The following DAPL1 variants were observed in gnomAD, a reference collection of about 807,000 sequenced individuals.
DAPL1 encodes the protein death associated protein like 1.
In DAPL1, 17 loss-of-function variants were observed where a neutral mutation model predicts 12.9. That is an observed-to-expected ratio of 1.32 (90% CI 0.90 to 1.98). DAPL1 has a LOEUF of 1.98. Among genes scored for constraint, DAPL1 ranks in the 30% most tolerant of loss-of-function variants. DAPL1 has a pLI of 0.00. For synonymous variants in DAPL1, 51 were observed against 42.0 expected (o/e 1.21, Z -0.82); for missense variants, 157 against 125.7 (o/e 1.25, Z -1.19).
chr2:158,812,057 G>A (rs1296240245), intron 3 of DAPL1, among the ~76,000 whole-genome samples: 2 of 152,144 alleles, frequency 1.3e-5, no homozygotes, highest in Non-Finnish European at 2.9e-5. Flanking sequence ...TCCTACATCA[G>A]GATGCCCCTG....
chr2:158,795,627 C>T (rs2059130534), intron 1 of DAPL1, among the ~76,000 whole-genome samples, 197 bp downstream of exon 1: 3 of 152,142 alleles, frequency 2.0e-5, no homozygotes, highest in Non-Finnish European at 2.9e-5. Flanking sequence ...TTGTCAGACC[C>T]CCAGTGAGTT....
rs1484986654 is a variant in DAPL1 at position 158,815,887 on chromosome 2, C to A, written c.*66C>A. 1.5e-5 allele frequency: 17 copies of A among 1,123,244 alleles called. No individual in the cohort carries two copies. Among genetic ancestry groups the A allele is most frequent in the Non-Finnish European group, 2.3e-5 (17 of 734,336 alleles). The allele number at this position is 1,123,244 out of a possible 1,614,324, so 69.6% of individuals were successfully genotyped here. On this transcript the variant is annotated 3_prime_UTR_variant, in exon 4 of 4. Coordinates refer to ENST00000309950, the MANE Select transcript of DAPL1 (RefSeq NM_001017920.3). ...ATATCTGACAGCTTAGCAAAAAGGG[C>A]CAAAGCTTTCCATAGGCGTGCTGCA...
At chr2:158,797,186 G>A (rs1303958686) in intron 1 of DAPL1, among the ~76,000 whole-genome samples, 1 of 152,184 alleles carries the variant, frequency 6.6e-6, no homozygotes, top group African/African-American at 2.4e-5. Flanking sequence ...ACAGACCTGG[G>A]TTTGAACCTC....
At chr2:158,808,785 G>A (rs950353990) in intron 3 of DAPL1, among the ~76,000 whole-genome samples, 1 of 152,098 alleles carries the variant, frequency 6.6e-6, no homozygotes, top group African/African-American at 2.4e-5. Context: ...AGTTGTAAGT[G>A]GATAGGATAG....
At chr2:158,805,625 A>G (rs2105152239) in intron 2 of DAPL1, among the ~76,000 whole-genome samples, 1 of 148,634 alleles carries the variant, frequency 6.7e-6, no homozygotes, top group East Asian at 1.9e-4. Flanking sequence ...TATCTTGGAA[A>G]TGACTTACTA....
At chr2:158,808,410 A>C (rs2059213320) in intron 3 of DAPL1, among the ~76,000 whole-genome samples, 2 of 152,246 alleles carry the variant, frequency 1.3e-5, no homozygotes, top group African/African-American at 4.8e-5. Flanking sequence ...ATGAGCTCAC[A>C]TACATGAAGG....
intron 1 of DAPL1, among the ~76,000 whole-genome samples, chr2:158,799,053 T>C (rs576590635): frequency 2.0e-5 from 3 of 152,182 alleles, no homozygotes; most frequent in Admixed American, 6.5e-5. Context: ...CTAACTGATG[T>C]ATTTTTAAAA....
intron 1 of DAPL1, among the ~76,000 whole-genome samples, chr2:158,796,393 G>A (rs530277607): frequency 1.6e-4 from 24 of 152,236 alleles, no homozygotes; most frequent in Admixed American, 4.6e-4. Context: ...GTGGCTTTCC[G>A]GCGGGTAGCC....
At chr2:158,796,648 G>T (rs2059136120) in intron 1 of DAPL1, among the ~76,000 whole-genome samples, 1 of 152,164 alleles carries the variant, frequency 6.6e-6, no homozygotes, top group South Asian at 2.1e-4. Context: ...TTCTCATTAT[G>T]TTGTTTCCAC....
At chr2:158,797,427 A>G (rs1030398939) in intron 1 of DAPL1, among the ~76,000 whole-genome samples, 1 of 152,202 alleles carries the variant, frequency 6.6e-6, no homozygotes, top group African/African-American at 2.4e-5. Flanking sequence ...GGCATTAGAC[A>G]CTACTGCAGT....
At chr2:158,813,658 C>T (rs1448087842) in intron 3 of DAPL1, among the ~76,000 whole-genome samples, 1 of 151,430 alleles carries the variant, frequency 6.6e-6, no homozygotes, top group Non-Finnish European at 1.5e-5. Flanking sequence ...TGGGTTCATG[C>T]CATTCTCCTG....
At chr2:158,813,748 G>A (rs1347781330) in intron 3 of DAPL1, among the ~76,000 whole-genome samples, 1 of 151,948 alleles carries the variant, frequency 6.6e-6, no homozygotes, top group Admixed American at 6.5e-5. Context: ...GTAGAGATGG[G>A]GTTTCACCGT....
chr2:158,807,882 G>C (rs1460272299), intron 3 of DAPL1: 1 of 152,290 alleles, frequency 6.6e-6, no homozygotes, highest in Non-Finnish European at 1.5e-5. Flanking sequence ...CTGACCTCAG[G>C]CCATCCGGCC....
chr2:158,803,504 G>A (rs933577191), intron 1 of DAPL1, among the ~76,000 whole-genome samples: 5 of 152,170 alleles, frequency 3.3e-5, no homozygotes, highest in Admixed American at 6.5e-5. Flanking sequence ...TCAGATTTTA[G>A]ATGTGCAAAT....
intron 3 of DAPL1, among the ~76,000 whole-genome samples, chr2:158,814,970 G>A (rs2059252514): frequency 6.6e-6 from 1 of 152,274 alleles, no homozygotes; most frequent in East Asian, 1.9e-4. Context: ...AGCAGCATTG[G>A]GCATGCTTTC....
intron 2 of DAPL1, 110 bp downstream of exon 2, chr2:158,804,479 A>G: frequency 1.5e-6 from 1 of 667,260 alleles, no homozygotes; most frequent in East Asian, 3.0e-5. Context: ...AGGCAGCCAG[A>G]GAAGGGGGCA....
chr2:158,806,824 GA>G (rs2059204463), intron 2 of DAPL1, among the ~76,000 whole-genome samples: 2 of 146,262 alleles, frequency 1.4e-5, no homozygotes, highest in African/African-American at 5.1e-5. Context: ...CAACAAGAGC[GA>G]AACTGTGTCT....
At chr2:158,802,382 G>A (rs1350419488) in intron 1 of DAPL1, among the ~76,000 whole-genome samples, 1 of 152,148 alleles carries the variant, frequency 6.6e-6, no homozygotes, top group African/African-American at 2.4e-5. Context: ...AATGAGCGAG[G>A]CACATTCCTT....
chr2:158,804,080 A>G (rs186827063), intron 1 of DAPL1, among the ~76,000 whole-genome samples: 17 of 152,324 alleles, frequency 1.1e-4, no homozygotes, highest in Middle Eastern at 3.4e-3. Context: ...AGCATAAACA[A>G]GTAGCTCTCA....
Sources: gnomAD v4.1 joint callset for allele counts (sites outside exome capture counted in the v4.1 genomes callset) on GRCh38, gnomAD v4.1.1 for gene constraint, MANE v1.5 for transcripts, NCBI Gene and HGNC (gene_info 2026-07-23, HGNC 2026-07-21) for gene names.